Variants in FRK observed in about 807,000 individuals in gnomAD.
FRK encodes tyrosine-protein kinase FRK.
In FRK, 51 loss-of-function variants were observed where a neutral mutation model predicts 56.4. That is an observed-to-expected ratio of 0.90 (90% confidence interval 0.72 to 1.14). The LOEUF is 1.14. Among genes scored for constraint, FRK ranks in the 50% most tolerant of loss-of-function variants. The pLI is 0.00. For missense variants in FRK, 570 were observed against 601.4 expected (o/e 0.95, Z 0.55); for synonymous variants, 245 against 217.9 (o/e 1.12, Z -1.10).
chr6:115,938,693 C>T lies in FRK; in HGVS notation c.*3721G>A, dbSNP rs766454448. On this transcript the variant is annotated 3_prime_UTR_variant, in exon 8 of 8. Coordinates refer to ENST00000606080, the MANE Select transcript of FRK (RefSeq NM_002031.3). ...ATACCATCAGAGATTACTATAAATA[C>T]CTCTAAGCAAATAAACTAGAAAATC... 1 of 152,116 alleles carries T rather than the reference C, an allele frequency of 6.6e-6. No individual in the cohort carries two copies. The highest frequency in any genetic ancestry group is 2.4e-5 in the African/African-American group (1 of 41,420). The allele number at this position is 152,116 out of a possible 1,614,324, so 9.4% of individuals were successfully genotyped here.
intron 1 of FRK, among the ~76,000 whole-genome samples, chr6:116,028,278 C>T (rs1026763654): frequency 6.6e-6 from 1 of 152,108 alleles, no homozygotes. Flanking sequence ...AAATTTTCTA[C>T]ATATGTTCCT....
chr6:116,063,812 T>C (rs1777701996), upstream of FRK, among the ~76,000 whole-genome samples: 1 of 152,036 alleles, frequency 6.6e-6, no homozygotes, highest in Non-Finnish European at 1.5e-5. Context: ...TAAAAAACAA[T>C]GCCTACAAAG....
chr6:115,991,077 C>T, intron 2 of FRK, among the ~76,000 whole-genome samples: 1 of 151,556 alleles, frequency 6.6e-6, no homozygotes, highest in Non-Finnish European at 1.5e-5. Context: ...AGGTTGACTG[C>T]TGTTTGTGTA....
chr6:115,956,613 G>A lies in FRK; in HGVS notation c.800-3C>T, dbSNP rs1463829982. On this transcript the variant is annotated splice_polypyrimidine_tract_variant and splice_region_variant and intron_variant, in intron 4 of 7. Coordinates refer to ENST00000606080, the MANE Select transcript of FRK (RefSeq NM_002031.3). The stretch of plus-strand genomic sequence containing the variant: ...GAAGTCATTTGGATCCATTGAACCT[G>A]AAACAAGAAGAGGGAGAAATCACTT... 1 of 1,537,578 alleles carries A rather than the reference G, an allele frequency of 6.5e-7. No individual in the cohort carries two copies. Among genetic ancestry groups the A allele is most frequent in the Non-Finnish European group, 8.8e-7 (1 of 1,142,098 alleles).
At chr6:115,972,176 C>A (rs181212092) in intron 2 of FRK, among the ~76,000 whole-genome samples, 1 of 152,348 alleles carries the variant, frequency 6.6e-6, no homozygotes, top group Non-Finnish European at 1.5e-5. Context: ...CCAGCAGAAG[C>A]TTTCCTGGGC....
At chr6:116,025,240 G>A (rs1776044556) in intron 1 of FRK, among the ~76,000 whole-genome samples, 1 of 152,154 alleles carries the variant, frequency 6.6e-6, no homozygotes, top group Non-Finnish European at 1.5e-5. Context: ...GCCACACATT[G>A]CAGAGGACCA....
intron 1 of FRK, among the ~76,000 whole-genome samples, chr6:116,051,683 C>CG (rs1777184306): frequency 6.6e-6 from 1 of 152,082 alleles, no homozygotes; most frequent in Non-Finnish European, 1.5e-5. Context: ...ATATAACTAC[C>CG]TTCCCTAGGG....
the FRK span, among the ~76,000 whole-genome samples, chr6:116,096,990 T>C: frequency 6.6e-6 from 1 of 152,130 alleles, no homozygotes; most frequent in Non-Finnish European, 1.5e-5. Context: ...TCCCTCTCCA[T>C]CATCGAAAAT....
intron 1 of FRK, 64 bp from the exon 2 acceptor site, chr6:116,004,062 G>T (rs1277188990): frequency 4.1e-6 from 6 of 1,448,592 alleles, no homozygotes; most frequent in Admixed American, 3.6e-5. Context: ...GGAGGAAAAA[G>T]CCTGGCAAGA....
At chr6:116,026,584 G>A (rs1776101450) in intron 1 of FRK, among the ~76,000 whole-genome samples, 2 of 150,228 alleles carry the variant, frequency 1.3e-5, no homozygotes, top group African/African-American at 4.9e-5. Flanking sequence ...GGAAAGACAC[G>A]TGTAACACAC....
At position 115,932,534 on chromosome 6, in the gene FRK, T is replaced by C. The variant is rs542561776; in HGVS notation, c.*9880A>G. 1 of 152,316 alleles carries C rather than the reference T, an allele frequency of 6.6e-6. No homozygotes were observed. The highest frequency in any genetic ancestry group is 2.4e-5 in the African/African-American group (1 of 41,570). 9.4% of individuals were successfully genotyped at this position (152,316 alleles called of 1,614,324 possible). On this transcript the variant is annotated 3_prime_UTR_variant, in exon 8 of 8. Transcript: ENST00000606080. The stretch of plus-strand genomic sequence containing the variant: ...CTTTAAGAATGGCCTTTCTCTTGAA[T>C]TAAATGATGATGCAATTTGAATAAG...
At chr6:116,026,407 C>T (rs1217977256) in intron 1 of FRK, among the ~76,000 whole-genome samples, 1 of 151,260 alleles carries the variant, frequency 6.6e-6, no homozygotes, top group Non-Finnish European at 1.5e-5. Flanking sequence ...AAGGCAAAAC[C>T]CTTCAGGATC....
At chr6:116,077,267 T>C in the FRK span, among the ~76,000 whole-genome samples, 6 of 152,214 alleles carry the variant, frequency 3.9e-5, no homozygotes, top group Admixed American at 2.6e-4. Context: ...TCCCAATGCA[T>C]CCAATGCCGA....
intron 4 of FRK, among the ~76,000 whole-genome samples, chr6:115,959,165 C>T (rs1254253508): frequency 6.6e-6 from 1 of 152,136 alleles, no homozygotes; most frequent in Non-Finnish European, 1.5e-5. Flanking sequence ...ATCTTTATTG[C>T]GTAGTAGCCT....
upstream of FRK, among the ~76,000 whole-genome samples, chr6:116,064,326 G>A (rs1366595472): frequency 2.0e-5 from 3 of 152,046 alleles, no homozygotes; most frequent in Non-Finnish European, 4.4e-5. Flanking sequence ...GCCCCTCTTT[G>A]GTTTTCCAAG....
chr6:116,014,718 C>G (rs1321599999), intron 1 of FRK, among the ~76,000 whole-genome samples: 1 of 152,036 alleles, frequency 6.6e-6, no homozygotes, highest in African/African-American at 2.4e-5. Flanking sequence ...GAGTTTTAAG[C>G]CCTGAGCTCA....
rs969062738 is a variant in FRK at position 115,931,763 on chromosome 6, C to A, written c.*10651G>T. ...AAATAGTATAATTGAAGCCTCTATT[C>A]TAAAATATCAGAAAATCATTATAAA... On this transcript the variant is annotated 3_prime_UTR_variant, in exon 8 of 8. Coordinates refer to ENST00000606080, the MANE Select transcript of FRK (RefSeq NM_002031.3). The A allele has an allele frequency of 5.9e-5, 9 of 152,266 alleles. No homozygotes were observed. The highest frequency in any genetic ancestry group is 2.2e-4 in the African/African-American group (9 of 41,572). The allele number at this position is 152,266 out of a possible 1,614,324, so 9.4% of individuals were successfully genotyped here.
chr6:115,993,395 ATTAAC>A (rs1035521251), intron 2 of FRK, among the ~76,000 whole-genome samples: 3 of 151,776 alleles, frequency 2.0e-5, no homozygotes, highest in Non-Finnish European at 4.4e-5. Context: ...TTCTTTTGTG[ATTAAC>A]TTATTTTTTC....
intron 1 of FRK, among the ~76,000 whole-genome samples, chr6:116,015,163 T>A (rs1482092852): frequency 6.6e-6 from 1 of 152,134 alleles, no homozygotes; most frequent in Non-Finnish European, 1.5e-5. Flanking sequence ...CTAATTATAA[T>A]CCCCATGTGT....
Sources: allele counts gnomAD v4.1 joint callset (sites outside exome capture counted in the v4.1 genomes callset), GRCh38; gene constraint gnomAD v4.1.1; transcripts MANE v1.5; gene names NCBI Gene and HGNC (gene_info 2026-07-23, HGNC 2026-07-21).